Variants in RCOR1 observed in about 807,000 individuals in gnomAD.
RCOR1 encodes the protein REST corepressor.
Under a neutral mutation model 64.0 loss-of-function variants are expected in RCOR1, and 12 were observed. The ratio of observed to expected loss-of-function variants is 0.19; its 90% confidence interval spans 0.12 to 0.30. The LOEUF is 0.30. Among genes scored for constraint, RCOR1 ranks in the 10% least tolerant of loss-of-function variants. The pLI is 1.00. For synonymous variants in RCOR1, 279 were observed against 227.2 expected (o/e 1.23, Z -2.05); for missense variants, 502 against 621.2 (o/e 0.81, Z 2.04).
At chr14:102,712,947 GTTTTTTTTTTTTTTT>G (rs67246962) in intron 7 of RCOR1, among the ~76,000 whole-genome samples, 2 of 77,688 alleles carry the variant, frequency 2.6e-5, no homozygotes, top group African/African-American at 9.9e-5. Context: ...CTAAATCATT[GTTTTTTTTTTTTTTT>G]TTTTTTTTTG....
chr14:102,632,667 TC>T, intron 2 of RCOR1, among the ~76,000 whole-genome samples: 2 of 54,162 alleles, frequency 3.7e-5, no homozygotes, highest in African/African-American at 5.5e-5. Flanking sequence ...TCCTTTCCTT[TC>T]CTTTCCTTTC....
intron 9 of RCOR1, 66 bp downstream of exon 9, chr14:102,721,150 C>A: frequency 9.3e-7 from 1 of 1,074,990 alleles, no homozygotes; most frequent in South Asian, 1.4e-5. Context: ...AATTTAATAT[C>A]GGTGTGATAC....
In RCOR1 at chr14:102,654,206, C is replaced by T. The variant is rs190417720; in HGVS notation, c.362-27689C>T. Among the ~76,000 whole-genome samples, 10 of 151,830 alleles carry T rather than the reference C, an allele frequency of 6.6e-5. 1 individual carries two copies. In the East Asian group the frequency reaches 1.7e-3, roughly 26 times the overall value. On this transcript the variant is annotated intron_variant, in intron 2 of 11. Transcript: ENST00000262241. ...TTCACCGTGTTAGCCAGGATGGTTT[C>T]GAACTCCTGACCTCAGGTGATCTGC...
chr14:102,650,898 A>G, intron 2 of RCOR1: 1 of 620,484 alleles, frequency 1.6e-6, no homozygotes, highest in Non-Finnish European at 2.0e-6. Flanking sequence ...TTAGATGTTA[A>G]ATATTTGGTT....
At chr14:102,654,895 G>A (rs8006489) in intron 2 of RCOR1, among the ~76,000 whole-genome samples, 54,890 of 148,564 alleles carry the variant, frequency 0.37, 11,017 homozygotes, top group African/African-American at 0.53. Flanking sequence ...TGCAGTGTCA[G>A]TCTCCTGGGC....
intron 2 of RCOR1, among the ~76,000 whole-genome samples, chr14:102,636,317 G>A (rs781137711): frequency 6.6e-6 from 1 of 151,718 alleles, no homozygotes; most frequent in African/African-American, 2.4e-5. Context: ...TGCTCTTGTC[G>A]CCCAGGCTGG....
intron 3 of RCOR1, among the ~76,000 whole-genome samples, chr14:102,683,439 T>G (rs1351803819): frequency 6.6e-6 from 1 of 152,088 alleles, no homozygotes; most frequent in African/African-American, 2.4e-5. Context: ...GAGTCCAGGT[T>G]TGGTTTCAGA....
intron 2 of RCOR1, among the ~76,000 whole-genome samples, chr14:102,676,990 C>T (rs1445252765): frequency 1.1e-5 from 1 of 90,268 alleles, no homozygotes; most frequent in Non-Finnish European, 2.2e-5. Context: ...CGGGCAGAGG[C>T]GCCCCTCACC....
chr14:102,649,574 T>A (rs1027259455), intron 2 of RCOR1, among the ~76,000 whole-genome samples: 15 of 152,232 alleles, frequency 9.9e-5, no homozygotes, highest in African/African-American at 3.4e-4. Context: ...CAAGCATGGC[T>A]GCCAGGTTTC....
intron 2 of RCOR1, among the ~76,000 whole-genome samples, chr14:102,619,473 C>CTTTTTTT (rs35488660): frequency 2.3e-5 from 3 of 131,224 alleles, no homozygotes; most frequent in African/African-American, 2.9e-5. Context: ...TCTATCTAAT[C>CTTTTTTT]TTTTTTTTTT....
intron 11 of RCOR1, among the ~76,000 whole-genome samples, chr14:102,725,304 C>G (rs1453271122): frequency 1.3e-5 from 2 of 152,222 alleles, no homozygotes; most frequent in African/African-American, 4.8e-5. Context: ...AGTTGTTTCT[C>G]CAGCAATGAG....
intron 4 of RCOR1, among the ~76,000 whole-genome samples, chr14:102,706,146 A>G (rs1427854746): frequency 6.8e-6 from 1 of 147,626 alleles, no homozygotes; most frequent in Non-Finnish European, 1.5e-5. Flanking sequence ...AAAAAAACCT[A>G]AAAAAACAGT....
chr14:102,613,751 A>G (rs556189926), intron 2 of RCOR1, among the ~76,000 whole-genome samples: 84 of 147,768 alleles, frequency 5.7e-4, no homozygotes, highest in Non-Finnish European at 9.2e-4. Context: ...GAGGTGGAGT[A>G]TAACTATGTT....
At chr14:102,651,926 C>T (rs1250123396) in intron 2 of RCOR1, among the ~76,000 whole-genome samples, 3 of 152,170 alleles carry the variant, frequency 2.0e-5, no homozygotes, top group Admixed American at 6.5e-5. Flanking sequence ...CTGAAGGTCT[C>T]TCAAATTGAT....
chr14:102,667,678 G>A (rs1013925875), intron 2 of RCOR1, among the ~76,000 whole-genome samples: 1 of 152,142 alleles, frequency 6.6e-6, no homozygotes. Context: ...CAGGGTTGGA[G>A]AGCGATGGAT....
chr14:102,682,600 G>T lies in RCOR1; in HGVS notation c.445+622G>T, dbSNP rs186477954. Among the ~76,000 whole-genome samples, 13 of 152,256 alleles carry T rather than the reference G, an allele frequency of 8.5e-5. No individual in the cohort carries two copies. The East Asian group carries it at 2.1e-3, about 25-fold the overall frequency. ...TTTACTGTCTGAGTCCAAGCTAGTT[G>T]CTTCAGGTGCCTTTTCAGATGGTTT... On this transcript the variant is annotated intron_variant, in intron 3 of 11. Transcript: ENST00000262241.
chr14:102,708,628 C>G (rs1237854258), intron 6 of RCOR1, 45 bp downstream of exon 6: 1 of 1,069,668 alleles, frequency 9.3e-7, no homozygotes, highest in South Asian at 1.3e-5. Flanking sequence ...AGGGGACTAT[C>G]TAAGAGCCCC....
chr14:102,639,903 A>C (rs564405535), intron 2 of RCOR1, among the ~76,000 whole-genome samples: 1 of 151,540 alleles, frequency 6.6e-6, no homozygotes, highest in Admixed American at 6.6e-5. Context: ...CTGGAGTGCA[A>C]TGGCATGACC....
intron 7 of RCOR1, among the ~76,000 whole-genome samples, chr14:102,712,630 T>C (rs1357590898): frequency 1.3e-5 from 2 of 151,914 alleles, no homozygotes; most frequent in Non-Finnish European, 2.9e-5. Context: ...AGTTGTATTG[T>C]TGAGTCAACG....
Sources: gnomAD v4.1 joint callset for allele counts (sites outside exome capture counted in the v4.1 genomes callset) on GRCh38, gnomAD v4.1.1 for gene constraint, MANE v1.5 for transcripts, NCBI Gene and HGNC (gene_info 2026-07-23, HGNC 2026-07-21) for gene names.